The following SLC12A5 variants were observed in gnomAD, a reference collection of about 807,000 sequenced individuals.
SLC12A5 encodes the protein solute carrier family 12 member 5.
Under a neutral mutation model 124.0 loss-of-function variants are expected in SLC12A5, and 18 were observed. The observed-to-expected ratio is 0.15, with a 90% CI of 0.10 to 0.22. SLC12A5 has a LOEUF of 0.22. Ranked by LOEUF, SLC12A5 falls within the 10% of genes least tolerant of loss-of-function variation. The pLI is 1.00. For synonymous variants in SLC12A5, 589 were observed against 568.0 expected, an observed-to-expected ratio of 1.04 and a Z score of -0.53; for missense variants, 867 against 1,478.7, an observed-to-expected ratio of 0.59 and a Z score of 6.78.
intron 16 of SLC12A5, among the ~76,000 whole-genome samples, chr20:46,048,528 G>T (rs1201909129): frequency 6.6e-6 from 1 of 152,012 alleles, no homozygotes; most frequent in African/African-American, 2.4e-5. Context: ...GAGTTATAGG[G>T]GCTCTTAGGC....
chr20:46,032,941 G>T (rs1382392963), intron 1 of SLC12A5, among the ~76,000 whole-genome samples: 2 of 152,200 alleles, frequency 1.3e-5, no homozygotes, highest in Non-Finnish European at 2.9e-5. Flanking sequence ...CCTATTATGT[G>T]CTGGGAGGTG....
Position 46,035,809 on chromosome 20 carries a change from C to T in SLC12A5, c.312C>T (p.Tyr104=). The change falls in exon 4 of 26, where the codon TAC becomes TAT. Residue 104 remains tyrosine, a synonymous_variant. Transcript: ENST00000243964. ...GCATGGGCACCTTCATGGGCGTGTA[C>T]CTGCCGTGCCTGCAGAACATCTTTG... ...APRMGTFMGV[Y]LPCLQNIFGV... is the part of the protein sequence containing the mutation. 1 of 1,614,092 alleles carries T rather than the reference C, an allele frequency of 6.2e-7. No individual in the cohort carries two copies. Among genetic ancestry groups the T allele is most frequent in the South Asian group, 1.1e-5 (1 of 91,082 alleles).
At chr20:46,034,290 C>T (rs536997983) in intron 1 of SLC12A5, among the ~76,000 whole-genome samples, 34 of 152,326 alleles carry the variant, frequency 2.2e-4, no homozygotes, top group African/African-American at 7.9e-4. Flanking sequence ...CCATGACCTC[C>T]CAATCTGGGC....
rs139116712 is a variant in SLC12A5, at chr20:46,034,845, G to A, written c.53-103G>A. On this transcript the variant is annotated intron_variant, in intron 1 of 25. Transcript: ENST00000243964. ...GGTATTAGCCCCATTTTCCCAATGC[G>A]CGAACTGAGATTCAGAGGGCTACTG... The A allele has an allele frequency of 8.6e-4, 887 of 1,033,354 alleles. 5 individuals are homozygous for A. The African/African-American group carries it at 0.011, about 13-fold the overall frequency. The allele number at this position is 1,033,354 out of a possible 1,614,324, so 64.0% of individuals were successfully genotyped here.
At chr20:46,037,938 A>C (rs1568860013) in intron 6 of SLC12A5, among the ~76,000 whole-genome samples, 1 of 152,210 alleles carries the variant, frequency 6.6e-6, no homozygotes, top group Non-Finnish European at 1.5e-5. Flanking sequence ...ATCCGTATAA[A>C]GACATCTGTT....
intron 1 of SLC12A5, among the ~76,000 whole-genome samples, chr20:46,029,926 G>T (rs1297531557): frequency 6.6e-6 from 1 of 151,536 alleles, no homozygotes; most frequent in Non-Finnish European, 1.5e-5. Flanking sequence ...GCGTGTGTGT[G>T]TGTGTGTGTG....
At position 46,034,945 on chromosome 20, in the gene SLC12A5, C is replaced by T. The variant is rs367992610; in HGVS notation, c.53-3C>T. On this transcript the variant is annotated splice_region_variant and splice_polypyrimidine_tract_variant and intron_variant, in intron 1 of 25. Coordinates refer to ENST00000243964, the MANE Select transcript of SLC12A5 (RefSeq NM_020708.5). ...CAGATCCCTGACCCCTCTCCCTTCT[C>T]AGGTGATGGCAACCCCAAGGAAAGC... The T allele has an allele frequency of 3.2e-5, 52 of 1,613,858 alleles. No individual in the cohort carries two copies. The African/African-American group carries it at 6.1e-4, about 19-fold the overall frequency.
At chr20:46,040,652 C>T (rs1250495520) in intron 7 of SLC12A5, 38 bp downstream of exon 7, 1 of 1,606,500 alleles carries the variant, frequency 6.2e-7, no homozygotes, top group East Asian at 2.2e-5. Flanking sequence ...AATCGTCCTC[C>T]TACCTCCCTG....
Position 46,059,422 on chromosome 20 carries a change from AAGCTGGAGGTGTTAGAC to A in SLC12A5, c.*1819_*1835del, listed in dbSNP as rs755931668. The A allele has an allele frequency of 5.5e-5, 22 of 396,992 alleles. No individual in the cohort carries two copies. The South Asian group carries it at 3.0e-3, about 54-fold the overall frequency. 24.6% of individuals were successfully genotyped at this position (396,992 alleles called of 1,614,324 possible). Reference sequence around the variant, plus strand: ...AGATTCTTTCAGGTACTCAATCAGGAAGCTGGAGGTGTTAGACACCAGCCCCCTGCATCCTTCAGTAG... The same window carrying A: ...AGATTCTTTCAGGTACTCAATCAGGAACCAGCCCCCTGCATCCTTCAGTAG... On this transcript the variant is annotated 3_prime_UTR_variant, in exon 26 of 26. Transcript: ENST00000243964.
At chr20:46,033,476 A>G (rs1442369015) in intron 1 of SLC12A5, among the ~76,000 whole-genome samples, 1 of 152,116 alleles carries the variant, frequency 6.6e-6, no homozygotes, top group Non-Finnish European at 1.5e-5. Context: ...TTTCTCCTCG[A>G]GTGATCTCAT....
chr20:46,027,573 C>T (rs898784074), upstream of SLC12A5: 29 of 152,232 alleles, frequency 1.9e-4, no homozygotes, highest in African/African-American at 7.0e-4. Context: ...TCTAGCCCTG[C>T]ACCTCTGAAG....
Position 46,049,866 on chromosome 20 carries a change from C to T in SLC12A5, c.2181+76C>T, listed in dbSNP as rs527610435. 2.6e-4 allele frequency: 378 copies of T among 1,433,310 alleles called. 6 individuals are homozygous for T. In the South Asian group the frequency reaches 4.0e-3, roughly 15 times the overall value. 88.8% of individuals were successfully genotyped at this position (1,433,310 alleles called of 1,614,324 possible). ...GACAGTCTCTATCCTTTTGTACTTTCCTTCCTCATCACCTTCAGGATCAAA... is the reference window on the plus strand; with the variant it reads ...GACAGTCTCTATCCTTTTGTACTTTTCTTCCTCATCACCTTCAGGATCAAA... On this transcript the variant is annotated intron_variant, in intron 17 of 25. Transcript: ENST00000243964.
chr20:46,022,691 A>C, intron 1 of SLC12A5: 1 of 397,510 alleles, frequency 2.5e-6, no homozygotes, highest in Non-Finnish European at 4.4e-6. Context: ...AAGGGTTGGG[A>C]GGAGCCAGCT....
chr20:46,053,207 G>A lies in SLC12A5; in HGVS notation c.2547+81G>A, dbSNP rs1169574164. On this transcript the variant is annotated intron_variant, in intron 19 of 25. Coordinates refer to ENST00000243964, the MANE Select transcript of SLC12A5 (RefSeq NM_020708.5). The surrounding 1 kb of genome is among the most constrained non-coding windows in gnomAD (Gnocchi z 4.7). ...TTGTGTGCATATGTGCACAACTGCAGGTCAGACTCAGGGGCTCTGGCCAGG... is the reference window on the plus strand; with the variant it reads ...TTGTGTGCATATGTGCACAACTGCAAGTCAGACTCAGGGGCTCTGGCCAGG... 1.2e-5 allele frequency: 18 copies of A among 1,465,332 alleles called. No homozygotes were observed. The highest frequency in any genetic ancestry group is 1.7e-5 in the Non-Finnish European group (18 of 1,079,150). 90.8% of individuals were successfully genotyped at this position (1,465,332 alleles called of 1,614,324 possible).
intron 18 of SLC12A5, among the ~76,000 whole-genome samples, 192 bp downstream of exon 18, chr20:46,052,062 C>T (rs558610270): frequency 1.1e-4 from 16 of 152,308 alleles, no homozygotes; most frequent in Non-Finnish European, 1.8e-4. Flanking sequence ...CTGGGGACTC[C>T]GCTGTGAACG....
chr20:46,049,190 T>C (rs1407059288), intron 16 of SLC12A5, among the ~76,000 whole-genome samples: 3 of 152,018 alleles, frequency 2.0e-5, no homozygotes, highest in African/African-American at 7.3e-5. Context: ...TGCTACGAAG[T>C]TGATAGGTGG....
intron 15 of SLC12A5, 70 bp downstream of exon 15, chr20:46,047,643 GTC>G: frequency 6.4e-7 from 1 of 1,563,748 alleles, no homozygotes; most frequent in Non-Finnish European, 8.7e-7. Flanking sequence ...GAGGGAAGGG[GTC>G]ATGAGGGATT....
upstream of SLC12A5, among the ~76,000 whole-genome samples, chr20:46,026,012 C>G (rs2084395267): frequency 1.3e-5 from 2 of 152,196 alleles, no homozygotes; most frequent in African/African-American, 4.8e-5. Flanking sequence ...AGCCCCTTGT[C>G]CTGGTTCAGT....
At chr20:46,054,890 C>T (rs949736082) in intron 20 of SLC12A5, 26 bp from the exon 21 acceptor site, 10 of 1,582,952 alleles carry the variant, frequency 6.3e-6, no homozygotes, top group African/African-American at 5.4e-5. Flanking sequence ...CCCCACCCCC[C>T]AACCCCAACC....
Sources: gnomAD v4.1 joint callset for allele counts (sites outside exome capture counted in the v4.1 genomes callset) on GRCh38, gnomAD v4.1.1 for gene constraint, Gnocchi (gnomAD v3.1) non-coding constraint, MANE v1.5 for transcripts, NCBI Gene and HGNC (gene_info 2026-07-23, HGNC 2026-07-21) for gene names.